Variants in ATP8B4 observed in about 807,000 individuals in gnomAD.
ATP8B4 encodes the protein ATPase phospholipid transporting 8B4 (putative), also known as probable phospholipid-transporting ATPase IM.
ATP8B4 carries 133 observed loss-of-function variants against 145.6 expected under a neutral mutation model. That is an observed-to-expected ratio of 0.91 (90% CI 0.79 to 1.05). ATP8B4 has a LOEUF of 1.05. ATP8B4 is among the 50% of genes least tolerant of loss of function. The pLI is 0.00. For synonymous variants in ATP8B4, 507 were observed against 492.9 expected, an observed-to-expected ratio of 1.03 and a Z score of -0.38; for missense variants, 1,458 against 1,425.2, an observed-to-expected ratio of 1.02 and a Z score of -0.37.
chr15:49,904,967 C>T (rs1323648520), intron 20 of ATP8B4, among the ~76,000 whole-genome samples: 1 of 152,104 alleles, frequency 6.6e-6, no homozygotes, highest in Non-Finnish European at 1.5e-5. Flanking sequence ...GTTTTCCTCT[C>T]AGATCAATCA....
intron 1 of ATP8B4, among the ~76,000 whole-genome samples, chr15:50,109,176 G>A (rs2056825251): frequency 6.6e-6 from 1 of 152,154 alleles, no homozygotes; most frequent in Non-Finnish European, 1.5e-5. Flanking sequence ...AATAGGAAGA[G>A]TGCTGCAGGC....
intron 6 of ATP8B4, among the ~76,000 whole-genome samples, chr15:50,011,515 G>C (rs1667846813): frequency 6.6e-6 from 1 of 152,154 alleles, no homozygotes; most frequent in South Asian, 2.1e-4. Context: ...GCTCAGAATA[G>C]AGAACAACAC....
At chr15:50,023,195 T>C (rs942605491) in intron 6 of ATP8B4, among the ~76,000 whole-genome samples, 1 of 152,206 alleles carries the variant, frequency 6.6e-6, no homozygotes, top group African/African-American at 2.4e-5. Context: ...TATGGTCTTA[T>C]TTATAGTCTG....
chr15:50,031,787 T>C (rs2050463211), intron 6 of ATP8B4, among the ~76,000 whole-genome samples: 1 of 151,906 alleles, frequency 6.6e-6, no homozygotes, highest in South Asian at 2.1e-4. Flanking sequence ...GCCTCTAACC[T>C]GGAAGTACAA....
intron 7 of ATP8B4, among the ~76,000 whole-genome samples, chr15:50,004,875 T>C (rs577672512): frequency 1.1e-4 from 16 of 152,196 alleles, no homozygotes; most frequent in Middle Eastern, 3.4e-3. Flanking sequence ...GAATATAAGG[T>C]TTCTAAGAGC....
intron 9 of ATP8B4, among the ~76,000 whole-genome samples, chr15:49,993,345 G>A (rs1165591285): frequency 1.3e-5 from 2 of 151,350 alleles, no homozygotes; most frequent in African/African-American, 4.9e-5. Flanking sequence ...ATGGTGAAAT[G>A]GAGTAGTTAG....
intron 7 of ATP8B4, among the ~76,000 whole-genome samples, chr15:50,010,224 T>G (rs2048626724): frequency 6.6e-6 from 1 of 152,124 alleles, no homozygotes; most frequent in South Asian, 2.1e-4. Flanking sequence ...TACCTTAAAT[T>G]TAATTTGAAC....
At chr15:49,995,701 TTCCCTAAGTGGA>T (rs533200486) in intron 9 of ATP8B4, among the ~76,000 whole-genome samples, 88 of 152,302 alleles carry the variant, frequency 5.8e-4, no homozygotes, top group East Asian at 2.7e-3. Context: ...TGTCCATGTT[TTCCCTAAGTGGA>T]TCCCCCAAAA....
intron 6 of ATP8B4, among the ~76,000 whole-genome samples, chr15:50,026,444 G>T (rs1599884958): frequency 6.6e-6 from 1 of 152,174 alleles, no homozygotes; most frequent in African/African-American, 2.4e-5. Flanking sequence ...GGGTGATTCA[G>T]ATGCAGGTGG....
At chr15:50,057,663 G>A (rs1397158806) in intron 3 of ATP8B4, among the ~76,000 whole-genome samples, 2 of 152,180 alleles carry the variant, frequency 1.3e-5, no homozygotes, top group South Asian at 4.1e-4. Context: ...ATAGTGGCCA[G>A]GAAAGCTTTC....
intron 17 of ATP8B4, among the ~76,000 whole-genome samples, chr15:49,921,068 G>T (rs990554160): frequency 9.2e-5 from 14 of 152,116 alleles, no homozygotes; most frequent in African/African-American, 3.4e-4. Flanking sequence ...ATTACTTAAG[G>T]TTATAACAAT....
At chr15:50,095,984 T>C (rs188763856) in intron 2 of ATP8B4, among the ~76,000 whole-genome samples, 13 of 152,258 alleles carry the variant, frequency 8.5e-5, no homozygotes, top group Admixed American at 2.0e-4. Context: ...TCAGCAACAG[T>C]TGGAAATAAC....
intron 3 of ATP8B4, among the ~76,000 whole-genome samples, chr15:50,049,499 T>C (rs1276226892): frequency 2.6e-5 from 4 of 152,240 alleles, no homozygotes; most frequent in Non-Finnish European, 1.5e-5. Flanking sequence ...TTTATGCCTG[T>C]GTGGTATTCC....
At chr15:50,129,871 C>T (rs1394422537) in intron 1 of ATP8B4, among the ~76,000 whole-genome samples, 1 of 149,772 alleles carries the variant, frequency 6.7e-6, no homozygotes, top group Non-Finnish European at 1.5e-5. Context: ...TCGCTTGAAC[C>T]CAGGAGGCGG....
At chr15:50,002,036 A>C (rs1412493471) in intron 8 of ATP8B4, 117 bp downstream of exon 8, 9 of 775,712 alleles carry the variant, frequency 1.2e-5, no homozygotes, top group Non-Finnish European at 8.3e-6. Context: ...TGGACTTTGC[A>C]ATGTAAACTC....
At chr15:50,063,185 A>G (rs1011475943) in intron 3 of ATP8B4, among the ~76,000 whole-genome samples, 3 of 152,170 alleles carry the variant, frequency 2.0e-5, no homozygotes, top group Non-Finnish European at 4.4e-5. Flanking sequence ...CATTATAGAA[A>G]TTGGAACTAG....
chr15:49,940,529 G>A (rs1188025943), intron 14 of ATP8B4, among the ~76,000 whole-genome samples: 2 of 152,068 alleles, frequency 1.3e-5, no homozygotes, highest in Non-Finnish European at 2.9e-5. Context: ...ACCTGCACAA[G>A]TATCCCTTGA....
At chr15:49,926,701 TAAATC>T (rs990288948) in intron 16 of ATP8B4, among the ~76,000 whole-genome samples, 35 of 152,178 alleles carry the variant, frequency 2.3e-4, no homozygotes, top group Non-Finnish European at 4.6e-4. Flanking sequence ...ATGGGGAACT[TAAATC>T]AATATTTACT....
chr15:49,934,322 A>G (rs1332491200), intron 14 of ATP8B4, 140 bp from the exon 15 acceptor site: 2 of 914,910 alleles, frequency 2.2e-6, no homozygotes, highest in East Asian at 2.7e-5. Context: ...TGGCTGTTTC[A>G]TCATTACTGT....
Sources: allele counts gnomAD v4.1 joint callset (sites outside exome capture counted in the v4.1 genomes callset), GRCh38; gene constraint gnomAD v4.1.1; transcripts MANE v1.5; gene names NCBI Gene and HGNC (gene_info 2026-07-23, HGNC 2026-07-21).